The following SLC25A26 variants were observed in gnomAD, a reference collection of about 807,000 sequenced individuals.
The protein encoded by SLC25A26 is solute carrier family 25 member 26.
Under a neutral mutation model 37.8 loss-of-function variants are expected in SLC25A26, and 36 were observed. The ratio of observed to expected loss-of-function variants is 0.95; its 90% CI spans 0.73 to 1.26. The LOEUF (loss-of-function observed/expected upper bound fraction) is 1.26, where lower values mean the gene tolerates loss of function less well. Ranked by LOEUF, SLC25A26 falls within the 50% of genes most tolerant of loss-of-function variation. SLC25A26 has a pLI of 0.00. For missense variants in SLC25A26, 390 were observed against 331.1 expected (o/e 1.18, Z -1.38); for synonymous variants, 129 against 122.5 (o/e 1.05, Z -0.35).
intron 1 of SLC25A26, among the ~76,000 whole-genome samples, chr3:66,173,560 T>C (rs2070531308): frequency 2.0e-5 from 3 of 152,226 alleles, no homozygotes; most frequent in African/African-American, 7.2e-5. Flanking sequence ...CTTGCAGATG[T>C]GGAATTTTCT....
chr3:66,184,454 G>A (rs1455863695), intron 1 of SLC25A26, among the ~76,000 whole-genome samples: 1 of 151,970 alleles, frequency 6.6e-6, no homozygotes, highest in African/African-American at 2.4e-5. Context: ...TCCTTGTCCT[G>A]ATCATCACTA....
At chr3:66,287,392 A>G (rs2074552704) in intron 5 of SLC25A26, among the ~76,000 whole-genome samples, 1 of 151,660 alleles carries the variant, frequency 6.6e-6, no homozygotes, top group Admixed American at 6.6e-5. Flanking sequence ...GAAAGGACTG[A>G]CTTTTTAGTC....
intron 5 of SLC25A26, among the ~76,000 whole-genome samples, chr3:66,342,717 C>G (rs1017632700): frequency 2.6e-5 from 4 of 152,112 alleles, no homozygotes; most frequent in African/African-American, 9.7e-5. Flanking sequence ...TTCATTTTAT[C>G]CCTATTTCAC....
intron 5 of SLC25A26, among the ~76,000 whole-genome samples, chr3:66,291,052 TG>T (rs1462636169): frequency 2.0e-5 from 3 of 152,220 alleles, no homozygotes; most frequent in African/African-American, 7.2e-5. Flanking sequence ...GGAGGGTGTA[TG>T]GGTCCAGGAA....
At chr3:66,156,047 T>G (rs543702877) in intron 1 of SLC25A26, among the ~76,000 whole-genome samples, 2 of 152,084 alleles carry the variant, frequency 1.3e-5, no homozygotes, top group East Asian at 1.9e-4. Flanking sequence ...GTTGGGGAGA[T>G]AGGGAGGTCC....
intron 1 of SLC25A26, among the ~76,000 whole-genome samples, chr3:66,173,563 A>C (rs2070531347): frequency 6.6e-6 from 1 of 152,192 alleles, no homozygotes; most frequent in South Asian, 2.1e-4. Flanking sequence ...GCAGATGTGG[A>C]ATTTTCTGAT....
chr3:66,169,185 T>C (rs1343073388), intron 1 of SLC25A26, among the ~76,000 whole-genome samples: 1 of 152,224 alleles, frequency 6.6e-6, no homozygotes, highest in Admixed American at 6.5e-5. Context: ...ATTTTCATTA[T>C]TATGCAGGAC....
intron 3 of SLC25A26, among the ~76,000 whole-genome samples, chr3:66,256,629 C>T (rs1253051999): frequency 6.6e-6 from 1 of 152,120 alleles, no homozygotes; most frequent in Non-Finnish European, 1.5e-5. Context: ...GACATGGTGG[C>T]TCTCGCTTGT....
chr3:66,283,593 G>C (rs1164943023), intron 5 of SLC25A26, among the ~76,000 whole-genome samples: 2 of 152,118 alleles, frequency 1.3e-5, no homozygotes, highest in African/African-American at 4.8e-5. Context: ...CTTTTCTGTA[G>C]TGGCTGTACA....
intron 1 of SLC25A26, among the ~76,000 whole-genome samples, chr3:66,205,556 A>G (rs1052798361): frequency 1.3e-5 from 2 of 152,196 alleles, no homozygotes; most frequent in African/African-American, 2.4e-5. Context: ...CCAGTGCTAT[A>G]TAAAATAGGA....
At chr3:66,376,504 C>A (rs1303643687) in intron 9 of SLC25A26, among the ~76,000 whole-genome samples, 1 of 152,198 alleles carries the variant, frequency 6.6e-6, no homozygotes, top group African/African-American at 2.4e-5. Flanking sequence ...CAGAAGATTA[C>A]AATTTACTGC....
chr3:66,203,242 A>G (rs1166314364), intron 1 of SLC25A26, among the ~76,000 whole-genome samples: 2 of 152,026 alleles, frequency 1.3e-5, no homozygotes, highest in African/African-American at 4.8e-5. Context: ...TTAGCCAGGC[A>G]TGGTGCCATG....
intron 1 of SLC25A26, among the ~76,000 whole-genome samples, chr3:66,230,789 G>T (rs1363288463): frequency 3.5e-5 from 3 of 85,942 alleles, no homozygotes; most frequent in Non-Finnish European, 6.6e-5. Flanking sequence ...TGGGCAACAA[G>T]AGCAAAACTC....
intron 1 of SLC25A26, among the ~76,000 whole-genome samples, chr3:66,215,344 G>A (rs2071344758): frequency 6.6e-6 from 1 of 152,040 alleles, no homozygotes; most frequent in South Asian, 2.1e-4. Flanking sequence ...GGGACCACAG[G>A]CATGTGCCAC....
At chr3:66,334,893 T>A (rs1213390656) in intron 5 of SLC25A26, among the ~76,000 whole-genome samples, 1 of 152,122 alleles carries the variant, frequency 6.6e-6, no homozygotes, top group Non-Finnish European at 1.5e-5. Flanking sequence ...CTGGTTTAAT[T>A]TCTTGTTTCT....
At chr3:66,193,421 C>T (rs2070983210) in intron 1 of SLC25A26, among the ~76,000 whole-genome samples, 1 of 152,056 alleles carries the variant, frequency 6.6e-6, no homozygotes, top group Non-Finnish European at 1.5e-5. Flanking sequence ...CTTGGATAAC[C>T]TTGACCTAAT....
At chr3:66,209,631 T>TTATA (rs1366640873) in intron 1 of SLC25A26, among the ~76,000 whole-genome samples, 36 of 133,528 alleles carry the variant, frequency 2.7e-4, no homozygotes, top group Admixed American at 1.4e-3. Context: ...TATATCTATT[T>TTATA]TATATATATA....
chr3:66,354,999 C>T (rs2076543379), intron 6 of SLC25A26, among the ~76,000 whole-genome samples: 1 of 152,138 alleles, frequency 6.6e-6, no homozygotes, highest in Non-Finnish European at 1.5e-5. Flanking sequence ...ATGTCTTCAT[C>T]AGCGATGTGA....
chr3:66,247,123 T>C (rs1015905734), intron 3 of SLC25A26, among the ~76,000 whole-genome samples: 2 of 151,918 alleles, frequency 1.3e-5, no homozygotes, highest in Admixed American at 1.3e-4. Flanking sequence ...CTCAGCCTCC[T>C]AAAGTGCTGG....
Sources: allele counts gnomAD v4.1 joint callset (sites outside exome capture counted in the v4.1 genomes callset), GRCh38; gene constraint gnomAD v4.1.1; transcripts MANE v1.5; gene names NCBI Gene and HGNC (gene_info 2026-07-23, HGNC 2026-07-21).